The following MRM2 variants were observed in gnomAD, a reference collection of about 807,000 sequenced individuals.
MRM2 encodes the protein rRNA methyltransferase 2, mitochondrial.
A neutral mutation model predicts 10.9 loss-of-function variants in MRM2; 15 were observed. The ratio of observed to expected loss-of-function variants is 1.37; its 90% CI spans 0.92 to 2.11. MRM2 has a LOEUF of 2.11. Ranked by LOEUF, MRM2 falls within the 30% of genes most tolerant of loss-of-function variation. The pLI, the probability that MRM2 is intolerant of heterozygous loss-of-function variation, is 0.00. For missense variants in MRM2, 328 were observed against 321.3 expected (o/e 1.02, Z -0.16); for synonymous variants, 139 against 128.7 (o/e 1.08, Z -0.54).
In MRM2 at chr7:2,242,146, G is replaced by A. The variant is rs369721724; in HGVS notation, c.8+16C>T. 1.4e-3 allele frequency: 2,171 copies of A among 1,582,942 alleles called. 4 individuals are homozygous for A. The highest frequency in any genetic ancestry group is 7.1e-3 in the Middle Eastern group (41 of 5,786). ...ACTCCCGCTGTCTGCACGCGCAGCA[G>A]CAGCGCCCAGCTCACCCCGCCATTG... On this transcript the variant is annotated intron_variant, in intron 1 of 2. Transcript: ENST00000242257.
At chr7:2,237,581 G>C (rs570019564) in intron 2 of MRM2, among the ~76,000 whole-genome samples, 12 of 152,114 alleles carry the variant, frequency 7.9e-5, no homozygotes, top group Admixed American at 2.6e-4. Context: ...AATGAGAAAA[G>C]GAACTGACAT....
At chr7:2,242,138 G>T (rs767998004) in intron 1 of MRM2, 24 bp downstream of exon 1, 2 of 1,582,866 alleles carry the variant, frequency 1.3e-6, no homozygotes, top group Admixed American at 3.4e-5. Flanking sequence ...CTGTCTGCAC[G>T]CGCAGCAGCA....
rs1045594039 is a variant in MRM2, at chr7:2,234,399, C to T, written c.*723G>A. The T allele has an allele frequency of 6.6e-6, 1 of 152,194 alleles. No homozygotes were observed. The highest frequency in any genetic ancestry group is 6.6e-5 in the Admixed American group (1 of 15,262). 9.4% of individuals were successfully genotyped at this position (152,194 alleles called of 1,614,324 possible). On this transcript the variant is annotated 3_prime_UTR_variant, in exon 3 of 3. Coordinates refer to ENST00000242257, the MANE Select transcript of MRM2 (RefSeq NM_013393.3). Reference sequence around the variant, plus strand: ...TGGATAAATTCAGACCATACGTCTTCCCTAATTGTTCCGGGAACTTTTGCT... The same window carrying T: ...TGGATAAATTCAGACCATACGTCTTTCCTAATTGTTCCGGGAACTTTTGCT...
intron 2 of MRM2, chr7:2,239,076 G>T: frequency 1.4e-6 from 1 of 726,948 alleles, no homozygotes; most frequent in South Asian, 1.4e-5. Context: ...CCAATAGGCT[G>T]CAAATTAGCA....
intron 2 of MRM2, chr7:2,239,151 G>T: frequency 1.3e-6 from 1 of 779,300 alleles, no homozygotes; most frequent in South Asian, 1.3e-5. Context: ...AAGCCTGGAA[G>T]GATGCACACC....
In MRM2 at chr7:2,235,266, A is replaced by C; in HGVS notation, c.597T>G (p.Ser199Arg). 1 of 1,614,008 alleles carries C rather than the reference A, an allele frequency of 6.2e-7. No homozygotes were observed. The highest frequency in any genetic ancestry group is 8.5e-7 in the Non-Finnish European group (1 of 1,180,006). Residue 199 changes from serine (S) to arginine (R), a missense_variant, in exon 3 of 3, where the codon AGT becomes AGG. By Grantham distance (110) the Ser-to-Arg change is moderately radical. Coordinates refer to ENST00000242257, the MANE Select transcript of MRM2 (RefSeq NM_013393.3). ...GTCTCCTCTGTAACCGACGGCTTTG[A>C]CTTCCAGCCCAGGTTTTACAAAGGA... ...GTFLCKTWAG[S>R]QSRRLQRRLT...
intron 2 of MRM2, chr7:2,238,439 T>C (rs964329809): frequency 2.0e-5 from 3 of 152,188 alleles, no homozygotes; most frequent in Non-Finnish European, 4.4e-5. Flanking sequence ...CCTTTTTATA[T>C]AGAAAATCTT....
intron 1 of MRM2, chr7:2,240,371 A>C (rs1360310483): frequency 2.3e-6 from 1 of 437,820 alleles, no homozygotes; most frequent in Non-Finnish European, 4.6e-6. Flanking sequence ...TTTGACAGCT[A>C]GTACAGAGGG....
In MRM2 at chr7:2,234,815, G is replaced by A. The variant is rs1710115621; in HGVS notation, c.*307C>T. 2.6e-6 allele frequency: 1 copy of A among 386,738 alleles called. No homozygotes were observed. The highest frequency in any genetic ancestry group is 2.0e-5 in the African/African-American group (1 of 48,836). The allele number at this position is 386,738 out of a possible 1,614,324, so 24.0% of individuals were successfully genotyped here. A position where few individuals can be genotyped will look rare whatever the true frequency, so the allele number is the denominator to read the frequency against. On this transcript the variant is annotated 3_prime_UTR_variant, in exon 3 of 3. Coordinates refer to ENST00000242257, the MANE Select transcript of MRM2 (RefSeq NM_013393.3). ...GGGCACACCCATCCCTGCCTCGGCG[G>A]ATTCCTTCTGATCCTTCCCACAGTC... is the stretch of plus-strand genomic sequence containing the variant.
intron 2 of MRM2, among the ~76,000 whole-genome samples, chr7:2,237,852 T>C (rs553117168): frequency 1.4e-3 from 202 of 141,860 alleles, no homozygotes; most frequent in Non-Finnish European, 2.6e-3. Context: ...GATGGCGCCA[T>C]TGCACTCCAG....
intron 2 of MRM2, chr7:2,239,118 A>C (rs1045443319): frequency 1.3e-6 from 1 of 766,396 alleles, no homozygotes; most frequent in African/African-American, 1.7e-5. Context: ...GCTTTTGAAA[A>C]TGTGAGGGAT....
Position 2,239,657 on chromosome 7 carries a change from A to G in MRM2, c.59T>C (p.Val20Ala), listed in dbSNP as rs1369565091. The G allele has an allele frequency of 1.2e-6, 2 of 1,614,050 alleles. No individual in the cohort carries two copies. Among genetic ancestry groups the G allele is most frequent in the South Asian group, 1.1e-5 (1 of 91,086 alleles). ...VSFQRQGFHT[V>A]GSRCKNRTGA... is the part of the protein sequence containing the mutation. Reference sequence around the variant, plus strand: ...TGTCCGATTCTTGCAGCGACTCCCAACAGTGTGGAACCCTTGACGCTGAAA... The same window carrying G: ...TGTCCGATTCTTGCAGCGACTCCCAGCAGTGTGGAACCCTTGACGCTGAAA... The change falls in exon 2 of 3, where the codon GTT (valine) becomes GCT (alanine). Residue 20 changes from valine (V) to alanine (A), a missense_variant. By Grantham distance (64) the Val-to-Ala change is moderately conservative (BLOSUM62 0). Coordinates refer to ENST00000242257, the MANE Select transcript of MRM2 (RefSeq NM_013393.3).
At chr7:2,238,156 G>C (rs1794452020) in intron 2 of MRM2, 1 of 152,228 alleles carries the variant, frequency 6.6e-6, no homozygotes, top group Non-Finnish European at 1.5e-5. Context: ...ATTTGGGAGA[G>C]ACTTGGGAGA....
chr7:2,239,951 A>G (rs1794491409), intron 1 of MRM2, among the ~76,000 whole-genome samples: 1 of 152,262 alleles, frequency 6.6e-6, no homozygotes, highest in East Asian at 1.9e-4. Context: ...ATTCGGAGAC[A>G]CCTGTAATTC....
chr7:2,238,402 G>C (rs1039743255), intron 2 of MRM2: 21 of 152,242 alleles, frequency 1.4e-4, no homozygotes, highest in Admixed American at 1.1e-3. Context: ...TGCATGGGCG[G>C]TTGGCTGATC....
At chr7:2,239,359 C>A (rs766816602) in intron 2 of MRM2, 59 bp downstream of exon 2, 1 of 1,534,446 alleles carries the variant, frequency 6.5e-7, no homozygotes, top group East Asian at 2.3e-5. Context: ...AGGCAGCTTG[C>A]CCATGCCCAC....
intron 2 of MRM2, 185 bp downstream of exon 2, chr7:2,239,233 T>C (rs751326312): frequency 1.2e-6 from 1 of 803,250 alleles, no homozygotes; most frequent in African/African-American, 1.7e-5. Context: ...CCTTTCTACC[T>C]TGTCTTTCAT....
chr7:2,235,387 G>A lies in MRM2; in HGVS notation c.476C>T (p.Ala159Val), dbSNP rs569307168. Residue 159 changes from alanine (A) to valine (V), a missense_variant, in exon 3 of 3, where the codon GCC (alanine) becomes GTC (valine). Ala to Val is a moderately conservative substitution (Grantham distance 64). Transcript: ENST00000242257. ...DVILSDMAPNATGFRDLDHDR... is the reference protein window; with the variant it reads ...DVILSDMAPNVTGFRDLDHDR... ...ATGATCGAGGTCCCGGAACCCTGTGGCATTGGGCGCCATGTCGCTCAGAAT... is the reference window on the plus strand; with the variant it reads ...ATGATCGAGGTCCCGGAACCCTGTGACATTGGGCGCCATGTCGCTCAGAAT... 3.7e-6 allele frequency: 6 copies of A among 1,614,118 alleles called. No homozygotes were observed. The Admixed American group carries it at 8.3e-5, about 22-fold the overall frequency.
intron 2 of MRM2, among the ~76,000 whole-genome samples, chr7:2,236,588 G>A (rs1794423174): frequency 1.3e-5 from 2 of 152,290 alleles, no homozygotes; most frequent in East Asian, 1.9e-4. Context: ...AATGAGGCGT[G>A]AGGCGTCCCA....
Sources: gnomAD v4.1 joint callset for allele counts (sites outside exome capture counted in the v4.1 genomes callset) on GRCh38, gnomAD v4.1.1 for gene constraint, MANE v1.5 for transcripts, NCBI Gene and HGNC (gene_info 2026-07-23, HGNC 2026-07-21) for gene names.